ABR: variants seen among roughly 807,000 people sequenced by gnomAD.
ABR encodes active breakpoint cluster region-related protein.
Under a neutral mutation model 107.2 loss-of-function variants are expected in ABR, and 35 were observed. The ratio of observed to expected loss-of-function variants is 0.33; its 90% CI spans 0.25 to 0.43. The LOEUF (loss-of-function observed/expected upper bound fraction) is 0.43. ABR is among the 20% of genes least tolerant of loss of function. The pLI, the probability that ABR is intolerant of heterozygous loss-of-function variation, is 1.00. For missense variants in ABR, 815 were observed against 1,115.2 expected, an observed-to-expected ratio of 0.73 and a Z score of 3.83; for synonymous variants, 498 against 462.0, an observed-to-expected ratio of 1.08 and a Z score of -1.00.
rs943521464 is a variant in ABR at position 1,034,843 on chromosome 17, C to T, written c.1791+15207G>A. Among the ~76,000 whole-genome samples, 9 of 152,138 alleles carry T rather than the reference C, an allele frequency of 5.9e-5. No homozygotes were observed. In the South Asian group the frequency reaches 6.2e-4, roughly 10 times the overall value. On this transcript the variant is annotated intron_variant, in intron 16 of 22. Transcript: ENST00000302538. ...ACAGGGTGCAGACTGCGAGAATGCA[C>T]GCCCCTCCCTGCCGCCGGGTGTGGG...
chr17:1,221,228 CCTCT>C (rs1218782164), intron 1 of ABR, among the ~76,000 whole-genome samples: 1 of 152,206 alleles, frequency 6.6e-6, no homozygotes, highest in East Asian at 1.9e-4. Flanking sequence ...CATTTCCCAG[CCTCT>C]CTTATACCTC....
chr17:1,103,493 T>C (rs1438072393), intron 2 of ABR, among the ~76,000 whole-genome samples: 1 of 152,158 alleles, frequency 6.6e-6, no homozygotes, highest in African/African-American at 2.4e-5. Context: ...GAGCTGTAAC[T>C]GTAGAGCTGG....
At chr17:1,056,965 G>A (rs1036060010) in intron 13 of ABR, 33 bp downstream of exon 13, 4 of 1,509,226 alleles carry the variant, frequency 2.7e-6, no homozygotes, top group Non-Finnish European at 3.7e-6. Flanking sequence ...GCTGGGACCT[G>A]CCGGTTGGGC....
At chr17:1,058,113 G>GT in intron 11 of ABR, 68 bp from the exon 12 acceptor site, 5 of 1,017,664 alleles carry the variant, frequency 4.9e-6, no homozygotes, top group Non-Finnish European at 7.5e-6. Context: ...AGATCCTGGG[G>GT]ACCCCAACAA....
chr17:1,144,530 CAA>C (rs1368175081), intron 1 of ABR, among the ~76,000 whole-genome samples: 1 of 148,074 alleles, frequency 6.8e-6, no homozygotes, highest in Admixed American at 6.8e-5. Flanking sequence ...TGTGGAGTGA[CAA>C]GAGATACCAG....
rs375305043 is a variant in ABR at position 1,075,264 on chromosome 17, G to A, written c.701-1587C>T. ...TCCTGCACCTGGATGCTCTGTCCCT[G>A]GGGTCATGACCTTGGGCCTCCTGCC... On this transcript the variant is annotated intron_variant, in intron 6 of 22. Coordinates refer to ENST00000302538, the MANE Select transcript of ABR (RefSeq NM_021962.5). 2.6e-5 allele frequency among the ~76,000 whole-genome samples: 4 copies of A among 152,376 alleles called. No individual in the cohort carries two copies. The East Asian group carries it at 7.7e-4, about 29-fold the overall frequency.
rs751242237 is a variant in ABR, at chr17:1,084,292, G to A, written c.532-665C>T. ...CTCAGGAGAATGAGGCAGGAGAATC[G>A]CTTGAACCCAAGAGGTGGAGGCTGC... On this transcript the variant is annotated intron_variant, in intron 4 of 22. Coordinates refer to ENST00000302538, the MANE Select transcript of ABR (RefSeq NM_021962.5). The surrounding 1 kb of genome is among the most constrained non-coding windows in gnomAD (Gnocchi z 4.2). 1.3e-5 allele frequency among the ~76,000 whole-genome samples: 2 copies of A among 152,194 alleles called. No individual in the cohort carries two copies. The highest frequency in any genetic ancestry group is 6.5e-5 in the Admixed American group (1 of 15,288).
At chr17:1,206,078 T>C (rs1042297508) in intron 1 of ABR, among the ~76,000 whole-genome samples, 3 of 152,180 alleles carry the variant, frequency 2.0e-5, no homozygotes, top group Non-Finnish European at 4.4e-5. Flanking sequence ...ATCGCGCCAC[T>C]GCCCTCCAGC....
intron 2 of ABR, among the ~76,000 whole-genome samples, chr17:1,110,788 G>C (rs1245864421): frequency 6.6e-6 from 1 of 152,182 alleles, no homozygotes; most frequent in Non-Finnish European, 1.5e-5. Context: ...AACAGCCTTT[G>C]ATCAGGGAAC....
At position 1,203,394 on chromosome 17, in the gene ABR, G is replaced by A. The variant is rs1184284266; in HGVS notation, c.838+25399C>T. 2.1e-4 allele frequency among the ~76,000 whole-genome samples: 11 copies of A among 51,976 alleles called. 2 individuals carry two copies. The highest frequency in any genetic ancestry group is 7.2e-4 in the East Asian group (2 of 2,760). The allele number at this position is 51,976 out of a possible 152,430, so 34.1% of individuals were successfully genotyped here. A position where few individuals can be genotyped will look rare whatever the true frequency, so the allele number is the denominator to read the frequency against. ...TGGGGGCGGGGCCTTGAGGGGGCGG[G>A]GCCCGCGGGGGGCGGAGTCTGCGGG... On this transcript the variant is annotated intron_variant, in intron 1 of 22. Transcript: ENST00000574139.
chr17:1,209,011 C>T (rs1427500539), intron 1 of ABR, among the ~76,000 whole-genome samples: 1 of 152,094 alleles, frequency 6.6e-6, no homozygotes, highest in Non-Finnish European at 1.5e-5. Context: ...CCTAGTACCA[C>T]AGTTACACTG....
intron 21 of ABR, among the ~76,000 whole-genome samples, 187 bp downstream of exon 21, chr17:1,009,492 C>T (rs192396550): frequency 2.6e-5 from 4 of 152,328 alleles, no homozygotes; most frequent in Admixed American, 2.0e-4. Context: ...GGAAAGCAAA[C>T]TCTCACTCCC....
intron 1 of ABR, among the ~76,000 whole-genome samples, chr17:1,204,026 G>A (rs2042739741): frequency 6.6e-6 from 1 of 152,202 alleles, no homozygotes; most frequent in Non-Finnish European, 1.5e-5. Flanking sequence ...CCGACCCCCG[G>A]CCCACGGGCC....
At chr17:1,183,563 A>G (rs999347259), upstream of ABR, among the ~76,000 whole-genome samples, 1 of 152,142 alleles carries the variant, frequency 6.6e-6, no homozygotes, top group Non-Finnish European at 1.5e-5. Flanking sequence ...CTACCAATCA[A>G]GGTAGAAGCC....
At chr17:1,033,573 G>A (rs1001330631) in intron 16 of ABR, among the ~76,000 whole-genome samples, 8 of 152,208 alleles carry the variant, frequency 5.3e-5, no homozygotes, top group African/African-American at 1.9e-4. Context: ...GGTGGAGGGG[G>A]GCCTTGGGGC....
At chr17:1,180,869 T>C (rs984814792), upstream of ABR, among the ~76,000 whole-genome samples, 1 of 152,186 alleles carries the variant, frequency 6.6e-6, no homozygotes, top group Non-Finnish European at 1.5e-5. Flanking sequence ...ACAGACCTCT[T>C]TGGGCCAAGC....
intron 1 of ABR, among the ~76,000 whole-genome samples, chr17:1,195,122 A>C (rs2042528508): frequency 6.9e-6 from 1 of 143,944 alleles, no homozygotes; most frequent in Non-Finnish European, 1.5e-5. Flanking sequence ...CCTGGCTAAC[A>C]CGGTGAAACC....
At chr17:1,024,783 CAAAAA>C (rs57876178) in intron 16 of ABR, among the ~76,000 whole-genome samples, 1 of 92,772 alleles carries the variant, frequency 1.1e-5, no homozygotes. Flanking sequence ...GAGACTCCCA[CAAAAA>C]AAAAAAAAAA....
At chr17:1,107,998 G>T (rs1371803749) in intron 2 of ABR, among the ~76,000 whole-genome samples, 1 of 152,168 alleles carries the variant, frequency 6.6e-6, no homozygotes, top group Non-Finnish European at 1.5e-5. Flanking sequence ...AGAGGTTCAG[G>T]GACAGCCTCC....
Sources: gnomAD v4.1 joint callset for allele counts (sites outside exome capture counted in the v4.1 genomes callset) on GRCh38, gnomAD v4.1.1 for gene constraint, Gnocchi (gnomAD v3.1) non-coding constraint, MANE v1.5 for transcripts, NCBI Gene and HGNC (gene_info 2026-07-23, HGNC 2026-07-21) for gene names.